RBMS3: variants seen among roughly 807,000 people sequenced by gnomAD.
The protein encoded by RBMS3 is RNA-binding motif, single-stranded-interacting protein 3.
In RBMS3, 27 loss-of-function variants were observed where a neutral mutation model predicts 66.8. The observed-to-expected ratio is 0.40, with a 90% CI of 0.30 to 0.56. The LOEUF (loss-of-function observed/expected upper bound fraction) is 0.56, where lower values mean the gene tolerates loss of function less well. RBMS3 is among the 20% of genes least tolerant of loss of function. The probability of loss-of-function intolerance (pLI) is 0.40; values close to 1 mark genes in which losing one functional copy is unlikely to be tolerated. For synonymous variants in RBMS3, 188 were observed against 183.0 expected (o/e 1.03, Z -0.22); for missense variants, 513 against 549.5 (o/e 0.93, Z 0.66).
chr3:29,814,309 C>G (rs1360111001), intron 6 of RBMS3, among the ~76,000 whole-genome samples: 2 of 152,162 alleles, frequency 1.3e-5, no homozygotes, highest in Non-Finnish European at 2.9e-5. Context: ...ATTGAACCAG[C>G]CTTGCATCCC....
intron 3 of RBMS3, among the ~76,000 whole-genome samples, chr3:29,519,866 G>A (rs1335008549): frequency 6.6e-6 from 1 of 152,008 alleles, no homozygotes; most frequent in Non-Finnish European, 1.5e-5. Flanking sequence ...TTGAGTCTGT[G>A]GCCAAAAGTC....
chr3:29,655,147 G>T (rs1286702896), intron 4 of RBMS3, among the ~76,000 whole-genome samples: 1 of 152,158 alleles, frequency 6.6e-6, no homozygotes, highest in African/African-American at 2.4e-5. Context: ...GGATTGTGGT[G>T]CATGTGAAGA....
intron 4 of RBMS3, among the ~76,000 whole-genome samples, chr3:29,680,086 G>A (rs1212666943): frequency 6.6e-6 from 1 of 152,122 alleles, no homozygotes; most frequent in Non-Finnish European, 1.5e-5. Flanking sequence ...AAAGGCTCAA[G>A]CCTTGAATAC....
intron 4 of RBMS3, among the ~76,000 whole-genome samples, chr3:29,592,100 A>G (rs1308846213): frequency 7.1e-6 from 1 of 141,100 alleles, no homozygotes; most frequent in Non-Finnish European, 1.5e-5. Flanking sequence ...AAAAAAAATA[A>G]AAAAAACCAG....
At chr3:29,298,358 T>C (rs1236788358) in intron 1 of RBMS3, among the ~76,000 whole-genome samples, 11 of 151,892 alleles carry the variant, frequency 7.2e-5, no homozygotes, top group Non-Finnish European at 1.2e-4. Flanking sequence ...CTTACAACAG[T>C]GCTAGTCAGT....
chr3:29,968,333 C>T (rs991877984), intron 12 of RBMS3, among the ~76,000 whole-genome samples: 1 of 152,200 alleles, frequency 6.6e-6, no homozygotes, highest in Non-Finnish European at 1.5e-5. Context: ...TAGCCAGATT[C>T]ATGCCCTCCC....
chr3:29,831,815 G>C (rs1225390105), intron 6 of RBMS3, among the ~76,000 whole-genome samples: 1 of 151,890 alleles, frequency 6.6e-6, no homozygotes, highest in Non-Finnish European at 1.5e-5. Flanking sequence ...TTTGTTAATA[G>C]TGTTAACACA....
intron 5 of RBMS3, among the ~76,000 whole-genome samples, chr3:29,750,936 A>G (rs1301683455): frequency 1.3e-5 from 2 of 152,234 alleles, no homozygotes; most frequent in Admixed American, 1.3e-4. Flanking sequence ...TTAAGGGTTT[A>G]AAACACTTGA....
intron 14 of RBMS3, among the ~76,000 whole-genome samples, chr3:29,994,715 C>G (rs1478666859): frequency 1.1e-4 from 17 of 152,012 alleles, no homozygotes; most frequent in Non-Finnish European, 2.4e-4. Flanking sequence ...TGAGGATCCT[C>G]TCTGTTAGAA....
chr3:29,323,568 T>C (rs1379673410), intron 1 of RBMS3, among the ~76,000 whole-genome samples: 1 of 152,012 alleles, frequency 6.6e-6, no homozygotes, highest in African/African-American at 2.4e-5. Context: ...AAATTAACAG[T>C]AGAAAGAAAC....
intron 10 of RBMS3, among the ~76,000 whole-genome samples, chr3:29,907,212 T>C (rs1424550369): frequency 2.0e-5 from 3 of 152,154 alleles, no homozygotes; most frequent in African/African-American, 7.2e-5. Context: ...TTCTATCTCA[T>C]ATATGAAACA....
chr3:29,558,514 G>A (rs1017354755), intron 3 of RBMS3, among the ~76,000 whole-genome samples: 2 of 152,040 alleles, frequency 1.3e-5, no homozygotes, highest in South Asian at 4.2e-4. Flanking sequence ...TATTTACTTG[G>A]CCCCATAGAA....
intron 6 of RBMS3, among the ~76,000 whole-genome samples, chr3:29,829,443 T>A (rs2058303551): frequency 6.6e-6 from 1 of 152,188 alleles, no homozygotes; most frequent in South Asian, 2.1e-4. Flanking sequence ...AAAATAGATA[T>A]ATTTTCCATC....
chr3:29,556,703 G>A (rs1346217028), intron 3 of RBMS3, among the ~76,000 whole-genome samples: 2 of 152,164 alleles, frequency 1.3e-5, no homozygotes. Flanking sequence ...TCTTCTGTGA[G>A]CCCCTCCCCA....
rs1190261365 is a variant in RBMS3, at chr3:29,281,580, G to A, written c.-102G>A. The stretch of plus-strand genomic sequence containing the variant: ...TGGTGGAGTCTCTGAAGCCTCATCA[G>A]TCACCGGGACTGTCAGGAATAGTGG... On this transcript the variant is annotated 5_prime_UTR_variant, in exon 1 of 15. Coordinates refer to ENST00000383767, the MANE Select transcript of RBMS3 (RefSeq NM_001003793.3). The A allele has an allele frequency of 5.6e-6, 5 of 887,686 alleles. No individual in the cohort carries two copies. The highest frequency in any genetic ancestry group is 9.2e-6 in the Non-Finnish European group (5 of 541,894). The allele number at this position is 887,686 out of a possible 1,614,324, so 55.0% of individuals were successfully genotyped here.
chr3:29,357,206 A>G (rs1160142799), intron 1 of RBMS3, among the ~76,000 whole-genome samples: 1 of 151,712 alleles, frequency 6.6e-6, no homozygotes, highest in African/African-American at 2.4e-5. Context: ...CCAGCCCCCA[A>G]CCCCACAACA....
At chr3:29,864,962 AAGG>A (rs2059316708) in intron 6 of RBMS3, among the ~76,000 whole-genome samples, 1 of 99,412 alleles carries the variant, frequency 1.0e-5, no homozygotes, top group African/African-American at 4.1e-5. Flanking sequence ...GGAAGGAAGA[AAGG>A]AAGGAAGGGA....
In RBMS3 at chr3:29,281,559, G is replaced by A. The variant is rs2031784458; in HGVS notation, c.-123G>A. On this transcript the variant is annotated 5_prime_UTR_variant, in exon 1 of 15. Coordinates refer to ENST00000383767, the MANE Select transcript of RBMS3 (RefSeq NM_001003793.3). The stretch of plus-strand genomic sequence containing the variant: ...TGCTGTGTTGGAACTAGCGAGTGGT[G>A]GAGTCTCTGAAGCCTCATCAGTCAC... The A allele has an allele frequency of 1.4e-6, 1 of 710,882 alleles. No homozygotes were observed. The allele number at this position is 710,882 out of a possible 1,614,324, so 44.0% of individuals were successfully genotyped here.
At chr3:29,316,517 A>G (rs1468026888) in intron 1 of RBMS3, among the ~76,000 whole-genome samples, 1 of 151,546 alleles carries the variant, frequency 6.6e-6, no homozygotes, top group African/African-American at 2.4e-5. Flanking sequence ...GATAGTAAAT[A>G]TTTTCTGCTT....
Sources: allele counts gnomAD v4.1 joint callset (sites outside exome capture counted in the v4.1 genomes callset), GRCh38; gene constraint gnomAD v4.1.1; transcripts MANE v1.5; gene names NCBI Gene and HGNC (gene_info 2026-07-23, HGNC 2026-07-21).